KCNAB1: variants seen among roughly 807,000 people sequenced by gnomAD.
KCNAB1 encodes potassium voltage-gated channel subfamily A regulatory beta subunit 1, also known as voltage-gated potassium channel subunit beta-1.
Under a neutral mutation model 64.6 loss-of-function variants are expected in KCNAB1, and 35 were observed. That is an observed-to-expected ratio of 0.54 (90% CI 0.41 to 0.72). KCNAB1 has a LOEUF of 0.72. KCNAB1 is among the 30% of genes least tolerant of loss of function. The pLI, the probability that KCNAB1 is intolerant of heterozygous loss-of-function variation, is 0.00. For synonymous variants in KCNAB1, 177 were observed against 183.8 expected (o/e 0.96, Z 0.30); for missense variants, 401 against 512.9 (o/e 0.78, Z 2.11).
intron 7 of KCNAB1, among the ~76,000 whole-genome samples, chr3:156,468,750 G>A (rs1559900641): frequency 2.0e-5 from 3 of 152,202 alleles, no homozygotes; most frequent in African/African-American, 7.2e-5. Context: ...TTACTAAGTA[G>A]TGACATTCTG....
chr3:156,322,300 G>A (rs1312195933), intron 1 of KCNAB1, among the ~76,000 whole-genome samples: 2 of 152,194 alleles, frequency 1.3e-5, no homozygotes, highest in African/African-American at 4.8e-5. Context: ...AACGTTTGAT[G>A]TGACTGAACT....
intron 1 of KCNAB1, among the ~76,000 whole-genome samples, chr3:156,140,858 C>A (rs890369596): frequency 1.3e-5 from 2 of 151,922 alleles, no homozygotes; most frequent in Non-Finnish European, 1.5e-5. Flanking sequence ...GGAAGAATTC[C>A]TAGAGGAGGT....
At chr3:156,458,755 G>T (rs1465962433) in intron 4 of KCNAB1, among the ~76,000 whole-genome samples, 2 of 152,188 alleles carry the variant, frequency 1.3e-5, no homozygotes, top group Non-Finnish European at 2.9e-5. Context: ...GGTAGAAAAA[G>T]GGAGAAGTAA....
intron 1 of KCNAB1, among the ~76,000 whole-genome samples, chr3:156,351,692 G>T (rs2108085923): frequency 6.6e-6 from 1 of 152,334 alleles, no homozygotes; most frequent in South Asian, 2.1e-4. Flanking sequence ...AAGGCCTTGA[G>T]ATGGGTAAGA....
intron 1 of KCNAB1, among the ~76,000 whole-genome samples, chr3:156,339,245 C>A (rs1021960996): frequency 5.3e-5 from 8 of 152,150 alleles, no homozygotes; most frequent in African/African-American, 1.9e-4. Flanking sequence ...TCCATAGCTA[C>A]TCTTTTTTGA....
intron 1 of KCNAB1, among the ~76,000 whole-genome samples, chr3:156,391,443 T>C (rs897833586): frequency 6.6e-6 from 1 of 152,216 alleles, no homozygotes; most frequent in Non-Finnish European, 1.5e-5. Flanking sequence ...TTAGAAAATT[T>C]AGCAGAACTC....
intron 1 of KCNAB1, among the ~76,000 whole-genome samples, chr3:156,287,563 G>T (rs1002893570): frequency 6.6e-6 from 1 of 152,102 alleles, no homozygotes; most frequent in Non-Finnish European, 1.5e-5. Flanking sequence ...TGGGCATAGT[G>T]ACTCACACCT....
At chr3:156,342,585 C>CTTTTTTTTTTTTTTTTTT (rs60982892) in intron 1 of KCNAB1, among the ~76,000 whole-genome samples, 9 of 86,238 alleles carry the variant, frequency 1.0e-4, no homozygotes, top group Non-Finnish European at 1.5e-4. Flanking sequence ...CTATGTGTTT[C>CTTTTTTTTTTTTTTTTTT]TTTTTTTTTT....
intron 12 of KCNAB1, among the ~76,000 whole-genome samples, chr3:156,530,618 G>A (rs1718636339): frequency 6.6e-6 from 1 of 152,170 alleles, no homozygotes; most frequent in South Asian, 2.1e-4. Context: ...TGAAGTAGAA[G>A]CCAAAAACGC....
chr3:156,257,944 G>A (rs368590291), intron 1 of KCNAB1, among the ~76,000 whole-genome samples: 1 of 152,186 alleles, frequency 6.6e-6, no homozygotes, highest in African/African-American at 2.4e-5. Context: ...CATTATCTAT[G>A]GAGGGAGACC....
At chr3:156,391,704 G>A (rs1015874848) in intron 1 of KCNAB1, among the ~76,000 whole-genome samples, 6 of 152,170 alleles carry the variant, frequency 3.9e-5, no homozygotes, top group African/African-American at 1.2e-4. Flanking sequence ...CTAACAGAAC[G>A]GGGTTCCAGA....
chr3:156,473,448 CT>C (rs1164488499), intron 7 of KCNAB1, among the ~76,000 whole-genome samples: 1 of 152,148 alleles, frequency 6.6e-6, no homozygotes, highest in African/African-American at 2.4e-5. Context: ...TATCATGATA[CT>C]TTTTCATGTT....
intron 1 of KCNAB1, among the ~76,000 whole-genome samples, chr3:156,364,964 G>C (rs1456171361): frequency 6.6e-6 from 1 of 152,160 alleles, no homozygotes; most frequent in Non-Finnish European, 1.5e-5. Flanking sequence ...AAAGGTAATA[G>C]CAAAGCTAAA....
At chr3:156,425,766 C>A (rs1465995041) in intron 2 of KCNAB1, among the ~76,000 whole-genome samples, 3 of 152,116 alleles carry the variant, frequency 2.0e-5, no homozygotes, top group Non-Finnish European at 4.4e-5. Flanking sequence ...GGGAGTTAGG[C>A]TTGCAAAAAA....
At chr3:156,485,827 C>T (rs1011255846) in intron 8 of KCNAB1, among the ~76,000 whole-genome samples, 5 of 152,072 alleles carry the variant, frequency 3.3e-5, no homozygotes, top group African/African-American at 1.2e-4. Flanking sequence ...TTCCCCCTTA[C>T]AAGTGAGAAC....
intron 1 of KCNAB1, among the ~76,000 whole-genome samples, chr3:156,274,922 A>G (rs959349231): frequency 6.6e-6 from 1 of 152,214 alleles, no homozygotes; most frequent in African/African-American, 2.4e-5. Flanking sequence ...TATACAATGC[A>G]GTATTGTTAA....
At chr3:156,529,897 A>G (rs1718577928) in intron 12 of KCNAB1, among the ~76,000 whole-genome samples, 1 of 152,162 alleles carries the variant, frequency 6.6e-6, no homozygotes, top group South Asian at 2.1e-4. Flanking sequence ...GGCCCAGCAG[A>G]CACTGCATCT....
At chr3:156,483,091 G>A (rs927899625) in intron 8 of KCNAB1, among the ~76,000 whole-genome samples, 2 of 152,046 alleles carry the variant, frequency 1.3e-5, no homozygotes, top group African/African-American at 4.8e-5. Context: ...TAAATCTTGG[G>A]ACACACAGTG....
upstream of KCNAB1, among the ~76,000 whole-genome samples, chr3:156,119,222 T>G (rs750349386): frequency 4.6e-5 from 7 of 151,954 alleles, no homozygotes; most frequent in Non-Finnish European, 1.0e-4. Context: ...TAAGGGCAAG[T>G]GAAAGGGGGC....
Sources: gnomAD v4.1 joint callset for allele counts (sites outside exome capture counted in the v4.1 genomes callset) on GRCh38, gnomAD v4.1.1 for gene constraint, MANE v1.5 for transcripts, NCBI Gene and HGNC (gene_info 2026-07-23, HGNC 2026-07-21) for gene names.